Variants in HTR2A observed in about 807,000 individuals in gnomAD.
The protein encoded by HTR2A is 5-HT2 receptor.
A neutral mutation model predicts 31.0 loss-of-function variants in HTR2A; 14 were observed. That is an observed-to-expected ratio of 0.45 (90% CI 0.30 to 0.71). The LOEUF (loss-of-function observed/expected upper bound fraction) is 0.71. HTR2A is among the 30% of genes least tolerant of loss of function. The pLI is 0.09. For synonymous variants in HTR2A, 209 were observed against 225.2 expected (o/e 0.93, Z 0.64); for missense variants, 442 against 573.3 (o/e 0.77, Z 2.34).
intron 3 of HTR2A, among the ~76,000 whole-genome samples, chr13:46,874,254 T>C (rs945613004): frequency 2.0e-5 from 3 of 152,158 alleles, no homozygotes; most frequent in African/African-American, 7.2e-5. Context: ...AAAGCTACTA[T>C]GGGGATGATC....
chr13:46,896,310 G>A, intron 1 of HTR2A, 76 bp from the exon 2 acceptor site: 1 of 841,844 alleles, frequency 1.2e-6, no homozygotes. Flanking sequence ...TTATGCCGAT[G>A]GTACTAGTTT....
At chr13:46,846,167 G>A (rs940476125) in intron 3 of HTR2A, among the ~76,000 whole-genome samples, 1 of 152,142 alleles carries the variant, frequency 6.6e-6, no homozygotes, top group Admixed American at 6.5e-5. Flanking sequence ...TTTTAAGCAA[G>A]TCATTTAATT....
Position 46,896,963 on chromosome 13 carries a change from T to C in HTR2A, c.-618A>G. The stretch of plus-strand genomic sequence containing the variant: ...CATTTAGAAATCATTCACGAGCCCC[T>C]CAAAGTCGCACAAAAGAACTGCATG... On this transcript the variant is annotated 5_prime_UTR_variant, in exon 1 of 4. Coordinates refer to ENST00000542664, the MANE Select transcript of HTR2A (RefSeq NM_000621.5). The C allele has an allele frequency of 1.4e-6, 1 of 739,126 alleles. No homozygotes were observed. Among genetic ancestry groups the C allele is most frequent in the Admixed American group, 3.0e-5 (1 of 33,664 alleles). The allele number at this position is 739,126 out of a possible 1,614,324, so 45.8% of individuals were successfully genotyped here. A position where few individuals can be genotyped will look rare whatever the true frequency, so the allele number is the denominator to read the frequency against.
intron 3 of HTR2A, among the ~76,000 whole-genome samples, chr13:46,842,428 G>A (rs1430704893): frequency 6.6e-6 from 1 of 152,156 alleles, no homozygotes; most frequent in Non-Finnish European, 1.5e-5. Context: ...TCATTTCAGA[G>A]ACTCTGGTCT....
Position 46,896,313 on chromosome 13 carries a change from A to T in HTR2A, c.-328-79T>A, listed in dbSNP as rs919726627. ...TCATTTTGTTGGTTATGCCGATGGT[A>T]CTAGTTTAGCAACAGTATTATTAAA... On this transcript the variant is annotated intron_variant, in intron 1 of 3. Transcript: ENST00000542664. 3.7e-6 allele frequency: 3 copies of T among 813,418 alleles called. No homozygotes were observed. The African/African-American group carries it at 5.5e-5, about 15-fold the overall frequency. 50.4% of individuals were successfully genotyped at this position (813,418 alleles called of 1,614,324 possible). A position where few individuals can be genotyped will look rare whatever the true frequency, so the allele number is the denominator to read the frequency against.
intron 3 of HTR2A, among the ~76,000 whole-genome samples, chr13:46,855,654 A>T (rs1334141244): frequency 6.6e-6 from 1 of 152,220 alleles, no homozygotes; most frequent in Non-Finnish European, 1.5e-5. Context: ...CTAAGGTGGG[A>T]TGGCCAGCAG....
At chr13:46,883,374 G>A (rs1174357237) in intron 3 of HTR2A, among the ~76,000 whole-genome samples, 1 of 152,070 alleles carries the variant, frequency 6.6e-6, no homozygotes, top group East Asian at 1.9e-4. Flanking sequence ...GAAAATACAT[G>A]ATTATGTTTA....
intron 3 of HTR2A, among the ~76,000 whole-genome samples, chr13:46,882,689 A>G (rs1370198892): frequency 1.3e-5 from 2 of 152,246 alleles, no homozygotes; most frequent in African/African-American, 4.8e-5. Flanking sequence ...TAACACAAAG[A>G]GCTTAATCCC....
At position 46,890,170 on chromosome 13, in the gene HTR2A, C is replaced by T. The variant is rs1951041256; in HGVS notation, c.613+2220G>A. On this transcript the variant is annotated intron_variant, in intron 3 of 3. Coordinates refer to ENST00000542664, the MANE Select transcript of HTR2A (RefSeq NM_000621.5). ...ACTAGCCTGACCAACATGGAGAAAC[C>T]TTGTCTCTACTAAAAATGCAAAATT... Among the ~76,000 whole-genome samples the T allele has an allele frequency of 2.6e-5, 4 of 152,304 alleles. No homozygotes were observed. The South Asian group carries it at 8.3e-4, about 32-fold the overall frequency.
At chr13:46,842,376 C>G (rs1950605639) in intron 3 of HTR2A, among the ~76,000 whole-genome samples, 2 of 152,174 alleles carry the variant, frequency 1.3e-5, no homozygotes, top group African/African-American at 4.8e-5. Context: ...TGGAGTGATT[C>G]TCTCTGAAAG....
At chr13:46,883,110 C>T (rs1566317519) in intron 3 of HTR2A, among the ~76,000 whole-genome samples, 2 of 152,216 alleles carry the variant, frequency 1.3e-5, no homozygotes, top group Non-Finnish European at 2.9e-5. Flanking sequence ...AAAAACATAA[C>T]ATGAAGCGAT....
At chr13:46,886,410 C>A (rs966656698) in intron 3 of HTR2A, among the ~76,000 whole-genome samples, 3 of 152,022 alleles carry the variant, frequency 2.0e-5, no homozygotes, top group African/African-American at 7.2e-5. Flanking sequence ...AAAACTGATG[C>A]TGATTGTCAC....
rs1951110713 is a variant in HTR2A, at chr13:46,896,957, A to G, written c.-612T>C. 1 of 768,054 alleles carries G rather than the reference A, an allele frequency of 1.3e-6. No homozygotes were observed. Among genetic ancestry groups the G allele is most frequent in the Non-Finnish European group, 2.1e-6 (1 of 476,728 alleles). 47.6% of individuals were successfully genotyped at this position (768,054 alleles called of 1,614,324 possible). On this transcript the variant is annotated 5_prime_UTR_variant, in exon 1 of 4. Transcript: ENST00000542664. ...GGCACACATTTAGAAATCATTCACG[A>G]GCCCCTCAAAGTCGCACAAAAGAAC...
chr13:46,877,616 T>C (rs1238727373), intron 3 of HTR2A, among the ~76,000 whole-genome samples: 1 of 152,192 alleles, frequency 6.6e-6, no homozygotes, highest in East Asian at 1.9e-4. Context: ...ATTACATAGT[T>C]TGTACTCAAG....
upstream of HTR2A, among the ~76,000 whole-genome samples, chr13:46,897,352 C>T (rs984926172): frequency 6.6e-6 from 1 of 152,134 alleles, no homozygotes; most frequent in African/African-American, 2.4e-5. Flanking sequence ...CCGGCACTTC[C>T]ATCCAAAGCC....
chr13:46,878,937 A>G (rs1950937898), intron 3 of HTR2A, among the ~76,000 whole-genome samples: 1 of 152,250 alleles, frequency 6.6e-6, no homozygotes, highest in South Asian at 2.1e-4. Flanking sequence ...TGTTTTTTAA[A>G]TGATGGAAGA....
intron 3 of HTR2A, among the ~76,000 whole-genome samples, chr13:46,858,946 T>C (rs150648869): frequency 0.038 from 5,835 of 152,296 alleles, 185 homozygotes; most frequent in Non-Finnish European, 0.053. Flanking sequence ...CATGAGTCAC[T>C]AAGACGTTCG....
chr13:46,835,667 A>G (rs1876429640), intron 3 of HTR2A, 28 bp from the exon 4 acceptor site: 1 of 1,532,090 alleles, frequency 6.5e-7, no homozygotes, highest in African/African-American at 1.4e-5. Context: ...ATGAAACATG[A>G]TTATTAAGGA....
chr13:46,851,627 G>T (rs1286927902), intron 3 of HTR2A, among the ~76,000 whole-genome samples: 2 of 152,200 alleles, frequency 1.3e-5, no homozygotes, highest in Non-Finnish European at 2.9e-5. Context: ...AACTGGGAGA[G>T]AGACTCTCCT....
Sources: allele counts gnomAD v4.1 joint callset (sites outside exome capture counted in the v4.1 genomes callset), GRCh38; gene constraint gnomAD v4.1.1; transcripts MANE v1.5; gene names NCBI Gene and HGNC (gene_info 2026-07-23, HGNC 2026-07-21).